CSMD1: variants seen among roughly 807,000 people sequenced by gnomAD.
CSMD1 encodes the protein CUB and Sushi multiple domains 1.
Under a neutral mutation model 417.5 loss-of-function variants are expected in CSMD1, and 213 were observed. The ratio of observed to expected loss-of-function variants is 0.51; its 90% CI spans 0.46 to 0.57. The LOEUF (loss-of-function observed/expected upper bound fraction) is 0.57, where lower values mean the gene tolerates loss of function less well. CSMD1 is among the 20% of genes least tolerant of loss of function. The pLI, the probability that CSMD1 is intolerant of heterozygous loss-of-function variation, is 0.00. For synonymous variants in CSMD1, 2,862 were observed against 1,736.8 expected (o/e 1.65, Z -16.11); for missense variants, 6,923 against 4,529.7 (o/e 1.53, Z -15.17).
chr8:3,472,384 T>A (rs1000781357), intron 11 of CSMD1, among the ~76,000 whole-genome samples: 1 of 152,262 alleles, frequency 6.6e-6, no homozygotes, highest in East Asian at 1.9e-4. Flanking sequence ...ACTAATGATT[T>A]TGTCACATTT....
chr8:3,196,518 G>A (rs75041162), intron 33 of CSMD1, among the ~76,000 whole-genome samples: 7,218 of 152,100 alleles, frequency 0.047, 187 homozygotes, highest in South Asian at 0.086. Context: ...ACCCCTTTCT[G>A]GTAACAAAAC....
chr8:4,083,798 A>G (rs544134475), intron 3 of CSMD1, among the ~76,000 whole-genome samples: 7 of 152,354 alleles, frequency 4.6e-5, no homozygotes, highest in East Asian at 1.9e-4. Context: ...CTTCATGTCT[A>G]TAACACCAAA....
At chr8:3,083,648 A>ATTTTTTT (rs34049524) in intron 49 of CSMD1, among the ~76,000 whole-genome samples, 1 of 13,568 alleles carries the variant, frequency 7.4e-5, no homozygotes, top group Non-Finnish European at 1.2e-4. Flanking sequence ...ATATATATAT[A>ATTTTTTT]TTTTTTTTTT....
chr8:4,802,569 A>T (rs149427324), intron 1 of CSMD1, among the ~76,000 whole-genome samples: 60 of 152,324 alleles, frequency 3.9e-4, no homozygotes, highest in African/African-American at 1.4e-3. Flanking sequence ...ATAGTTTATG[A>T]AGAGATCACA....
intron 5 of CSMD1, among the ~76,000 whole-genome samples, chr8:3,937,765 A>G (rs143046478): frequency 6.6e-6 from 1 of 152,144 alleles, no homozygotes; most frequent in Non-Finnish European, 1.5e-5. Flanking sequence ...GATGTAATAT[A>G]TTTTTCTGTC....
chr8:3,928,295 C>T (rs549327940), intron 5 of CSMD1, among the ~76,000 whole-genome samples: 79 of 152,146 alleles, frequency 5.2e-4, no homozygotes, highest in Non-Finnish European at 1.0e-3. Flanking sequence ...ATTGATTATT[C>T]AACTTCTTGA....
chr8:4,067,568 T>C (rs1434767160), intron 3 of CSMD1, among the ~76,000 whole-genome samples: 1 of 152,168 alleles, frequency 6.6e-6, no homozygotes, highest in Non-Finnish European at 1.5e-5. Flanking sequence ...CAGAATAAGT[T>C]TCAACAACAG....
chr8:4,446,599 G>A (rs963836168), intron 2 of CSMD1, among the ~76,000 whole-genome samples: 1 of 152,106 alleles, frequency 6.6e-6, no homozygotes, highest in South Asian at 2.1e-4. Context: ...TGTCACCCAG[G>A]CTGCAGTGCA....
chr8:3,878,945 A>G (rs1806016500), intron 5 of CSMD1, among the ~76,000 whole-genome samples: 2 of 152,214 alleles, frequency 1.3e-5, no homozygotes, highest in South Asian at 4.1e-4. Flanking sequence ...TAACTTTAAT[A>G]TATGACTAAG....
chr8:4,519,120 G>A (rs1019319643), intron 2 of CSMD1, among the ~76,000 whole-genome samples: 2 of 151,948 alleles, frequency 1.3e-5, no homozygotes, highest in Admixed American at 6.6e-5. Flanking sequence ...TGTTTGCGAC[G>A]CTAATAGTAT....
At chr8:2,992,144 C>A (rs573644922) in intron 54 of CSMD1, among the ~76,000 whole-genome samples, 1 of 152,206 alleles carries the variant, frequency 6.6e-6, no homozygotes, top group South Asian at 2.1e-4. Context: ...CACACACAGA[C>A]ACATGCACAC....
rs1446760897 is a variant in CSMD1 at position 3,839,473 on chromosome 8, AATT to A, written c.819-85434_819-85432del. On this transcript the variant is annotated intron_variant, in intron 5 of 69. Coordinates refer to ENST00000635120, the MANE Select transcript of CSMD1 (RefSeq NM_033225.6). ...TAATATAATATATTATATATTATAT[AATT>A]ATATTATATATTTATATATTAATAT... is the stretch of plus-strand genomic sequence containing the variant. 1.1e-4 allele frequency among the ~76,000 whole-genome samples: 6 copies of A among 54,912 alleles called. No individual in the cohort carries two copies. The East Asian group carries it at 3.2e-3, about 29-fold the overall frequency. The allele number at this position is 54,912 out of a possible 152,430, so 36.0% of individuals were successfully genotyped here. A position where few individuals can be genotyped will look rare whatever the true frequency, so the allele number is the denominator to read the frequency against.
chr8:4,010,353 C>T (rs565299734), intron 4 of CSMD1, among the ~76,000 whole-genome samples: 12 of 152,274 alleles, frequency 7.9e-5, no homozygotes, highest in South Asian at 6.2e-4. Flanking sequence ...ATCCACTATT[C>T]CAAGAAGATT....
At chr8:3,437,994 G>A (rs1277275418) in intron 12 of CSMD1, among the ~76,000 whole-genome samples, 1 of 152,044 alleles carries the variant, frequency 6.6e-6, no homozygotes, top group East Asian at 1.9e-4. Flanking sequence ...GCTCACCTCA[G>A]CCTCCCAAAG....
intron 3 of CSMD1, among the ~76,000 whole-genome samples, chr8:4,102,359 G>A (rs1801348342): frequency 6.6e-6 from 1 of 152,112 alleles, no homozygotes; most frequent in South Asian, 2.1e-4. Context: ...GTTTTTCCTT[G>A]CAAGAGAAAC....
intron 37 of CSMD1, among the ~76,000 whole-genome samples, chr8:3,179,135 C>G (rs1446155850): frequency 9.3e-5 from 14 of 151,052 alleles, no homozygotes; most frequent in East Asian, 2.0e-4. Flanking sequence ...TTAGTAGATA[C>G]GGGGTTTCAA....
chr8:3,909,167 G>A (rs893240841), intron 5 of CSMD1, among the ~76,000 whole-genome samples: 5 of 152,152 alleles, frequency 3.3e-5, no homozygotes, highest in African/African-American at 1.2e-4. Context: ...TTGGAGACTG[G>A]GTCAGGCTGT....
chr8:3,956,009 G>C (rs1416950766), intron 5 of CSMD1, among the ~76,000 whole-genome samples: 2 of 152,154 alleles, frequency 1.3e-5, no homozygotes, highest in Non-Finnish European at 2.9e-5. Flanking sequence ...TGGCCAGGAT[G>C]GTCTCGAACT....
intron 3 of CSMD1, among the ~76,000 whole-genome samples, chr8:4,200,207 T>G (rs1013789722): frequency 6.6e-6 from 1 of 152,228 alleles, no homozygotes; most frequent in Non-Finnish European, 1.5e-5. Flanking sequence ...AAATGTTATG[T>G]TATGAAATTC....
Sources: allele counts gnomAD v4.1 joint callset (sites outside exome capture counted in the v4.1 genomes callset), GRCh38; gene constraint gnomAD v4.1.1; transcripts MANE v1.5; gene names NCBI Gene and HGNC (gene_info 2026-07-23, HGNC 2026-07-21).